The following UBAC2 variants were observed in gnomAD, a reference collection of about 807,000 sequenced individuals.
UBAC2 encodes the protein UBA domain containing 2.
Under a neutral mutation model 44.0 loss-of-function variants are expected in UBAC2, and 26 were observed. That is an observed-to-expected ratio of 0.59 (90% confidence interval 0.43 to 0.82). UBAC2 has a LOEUF of 0.82. Among genes scored for constraint, UBAC2 ranks in the 40% least tolerant of loss-of-function variants. The pLI is 0.00. For synonymous variants in UBAC2, 155 were observed against 154.3 expected (o/e 1.00, Z -0.04); for missense variants, 329 against 419.4 (o/e 0.78, Z 1.88).
chr13:99,230,050 C>T (rs754886024), intron 1 of UBAC2, among the ~76,000 whole-genome samples: 1 of 152,180 alleles, frequency 6.6e-6, no homozygotes, highest in Admixed American at 6.5e-5. Context: ...ACAAAATATC[C>T]CTGAGAGTTT....
intron 4 of UBAC2, among the ~76,000 whole-genome samples, chr13:99,271,428 TG>T (rs918959320): frequency 6.6e-6 from 1 of 151,808 alleles, no homozygotes; most frequent in South Asian, 2.1e-4. Context: ...AGCAGAGTGA[TG>T]GGGGGATGGG....
At position 99,385,655 on chromosome 13, in the gene UBAC2, G is replaced by C. The variant is rs2057677492; in HGVS notation, c.*320G>C. 1.3e-5 allele frequency: 4 copies of C among 309,000 alleles called. No individual in the cohort carries two copies. In the South Asian group the frequency reaches 2.0e-4, roughly 15 times the overall value. The allele number at this position is 309,000 out of a possible 1,614,324, so 19.1% of individuals were successfully genotyped here. On this transcript the variant is annotated 3_prime_UTR_variant, in exon 9 of 9. Coordinates refer to ENST00000403766, the MANE Select transcript of UBAC2 (RefSeq NM_001144072.2). ...CTGCAGGCAGTTGAATGGCACTCCA[G>C]ATGGGGAATTGCTGTAACCCTCTTA...
intron 4 of UBAC2, among the ~76,000 whole-genome samples, chr13:99,268,147 C>A (rs1433805827): frequency 6.6e-6 from 1 of 152,200 alleles, no homozygotes; most frequent in East Asian, 1.9e-4. Flanking sequence ...GTGGCCACAC[C>A]TAATCACAGG....
chr13:99,285,439 C>T (rs2044006526), intron 4 of UBAC2, among the ~76,000 whole-genome samples: 1 of 150,866 alleles, frequency 6.6e-6, no homozygotes, highest in South Asian at 2.1e-4. Context: ...GTCACCCAGG[C>T]TGGAGTGCAG....
At chr13:99,242,232 CG>C (rs1365504176) in intron 2 of UBAC2, among the ~76,000 whole-genome samples, 1 of 151,804 alleles carries the variant, frequency 6.6e-6, no homozygotes, top group Non-Finnish European at 1.5e-5. Flanking sequence ...CATCATGGCC[CG>C]TTCTCAATGA....
chr13:99,292,434 G>A (rs900842754), intron 4 of UBAC2, among the ~76,000 whole-genome samples: 5 of 152,208 alleles, frequency 3.3e-5, no homozygotes, highest in Middle Eastern at 3.4e-3. Context: ...GAGCCACTGC[G>A]CCCAGCTGGG....
chr13:99,209,335 T>C (rs1159683090), intron 1 of UBAC2, among the ~76,000 whole-genome samples: 1 of 152,228 alleles, frequency 6.6e-6, no homozygotes, highest in Non-Finnish European at 1.5e-5. Flanking sequence ...AGCCCTGACC[T>C]GGCTGAGAGG....
At chr13:99,261,565 G>A (rs1384994281) in intron 4 of UBAC2, 2 of 152,038 alleles carry the variant, frequency 1.3e-5, no homozygotes, top group Non-Finnish European at 2.9e-5. Context: ...CTTGTCTTTA[G>A]CAATTTTTGT....
intron 4 of UBAC2, among the ~76,000 whole-genome samples, chr13:99,276,542 G>A (rs1048669148): frequency 2.0e-5 from 3 of 152,242 alleles, no homozygotes; most frequent in African/African-American, 7.2e-5. Flanking sequence ...TGCCTTCTGT[G>A]GGCACCCCAC....
chr13:99,382,340 C>T (rs975924052), intron 8 of UBAC2, among the ~76,000 whole-genome samples: 1 of 152,208 alleles, frequency 6.6e-6, no homozygotes, highest in African/African-American at 2.4e-5. Flanking sequence ...CCTGACTTGA[C>T]AGCATTTTAT....
rs566554795 is a variant in UBAC2, at chr13:99,314,199, G to A, written c.492G>A (p.Leu164=). The A allele has an allele frequency of 1.3e-6, 2 of 1,588,252 alleles. No individual in the cohort carries two copies. Among genetic ancestry groups the A allele is most frequent in the Admixed American group, 3.4e-5 (2 of 59,040 alleles). Residue 164 remains leucine (L), a synonymous_variant, in exon 5 of 9, where the codon TTG becomes TTA. Coordinates refer to ENST00000403766, the MANE Select transcript of UBAC2 (RefSeq NM_001144072.2). The stretch of plus-strand genomic sequence containing the variant: ...CGTTGTCCATCACAAACAAGACATT[G>A]ATTTATATATTGGGACTGCAGGTAC... The part of the protein sequence containing the change: ...LGPLSITNKT[L]IYILGLQLFT...
At chr13:99,285,155 T>G (rs537599466) in intron 4 of UBAC2, among the ~76,000 whole-genome samples, 1 of 152,220 alleles carries the variant, frequency 6.6e-6, no homozygotes, top group South Asian at 2.1e-4. Context: ...TGTAATATTA[T>G]TTACTACTGA....
chr13:99,228,357 G>A (rs971498246), intron 1 of UBAC2, among the ~76,000 whole-genome samples: 19 of 151,006 alleles, frequency 1.3e-4, no homozygotes, highest in East Asian at 1.9e-4. Flanking sequence ...GCACAATCTC[G>A]GCTCACTGCA....
intron 8 of UBAC2, among the ~76,000 whole-genome samples, chr13:99,371,159 T>C (rs2045400993): frequency 6.6e-6 from 1 of 152,120 alleles, no homozygotes; most frequent in African/African-American, 2.4e-5. Flanking sequence ...AGGGTTGTTT[T>C]TTTTTTTGTT....
intron 6 of UBAC2, among the ~76,000 whole-genome samples, chr13:99,332,183 G>A (rs2044724971): frequency 1.3e-5 from 2 of 152,128 alleles, no homozygotes; most frequent in African/African-American, 4.8e-5. Flanking sequence ...GTTGGCCAAA[G>A]AAAGCAATCG....
At chr13:99,214,891 C>T (rs549452464) in intron 1 of UBAC2, among the ~76,000 whole-genome samples, 15 of 152,212 alleles carry the variant, frequency 9.9e-5, no homozygotes, top group Admixed American at 8.5e-4. Context: ...GGCATTTGCA[C>T]CACTGGAGAT....
chr13:99,378,018 C>T (rs141710847), intron 8 of UBAC2, among the ~76,000 whole-genome samples: 177 of 152,340 alleles, frequency 1.2e-3, no homozygotes, highest in Non-Finnish European at 2.1e-3. Context: ...TCTGTCCCTA[C>T]AAGTTGAGTA....
chr13:99,211,727 A>G (rs1450850962), intron 1 of UBAC2, among the ~76,000 whole-genome samples: 1 of 152,180 alleles, frequency 6.6e-6, no homozygotes, highest in African/African-American at 2.4e-5. Flanking sequence ...TGTGTTGCTC[A>G]CTACTGCTTC....
chr13:99,317,333 C>T (rs1430884377), intron 5 of UBAC2, among the ~76,000 whole-genome samples: 1 of 152,166 alleles, frequency 6.6e-6, no homozygotes, highest in Non-Finnish European at 1.5e-5. Flanking sequence ...GTTGCAGGAA[C>T]ACTTTCAGAG....
Sources: gnomAD v4.1 joint callset for allele counts (sites outside exome capture counted in the v4.1 genomes callset) on GRCh38, gnomAD v4.1.1 for gene constraint, MANE v1.5 for transcripts, NCBI Gene and HGNC (gene_info 2026-07-23, HGNC 2026-07-21) for gene names.